The following PDZD2 variants were observed in gnomAD, a reference collection of about 807,000 sequenced individuals.
PDZD2 encodes the protein PDZ domain containing 2.
PDZD2 carries 90 observed loss-of-function variants against 220.7 expected under a neutral mutation model. That is an observed-to-expected ratio of 0.41 (90% CI 0.34 to 0.49). PDZD2 has a LOEUF of 0.49. Among genes scored for constraint, PDZD2 ranks in the 20% least tolerant of loss-of-function variants. The pLI is 0.28. For synonymous variants in PDZD2, 1,375 were observed against 1,450.5 expected (o/e 0.95, Z 1.18); for missense variants, 3,174 against 3,608.5 (o/e 0.88, Z 3.08).
intron 13 of PDZD2, 26 bp downstream of exon 13, chr5:32,059,382 G>C (rs1739463079): frequency 8.7e-7 from 1 of 1,155,132 alleles, no homozygotes; most frequent in Non-Finnish European, 1.3e-6. Flanking sequence ...GATAGTGTAA[G>C]GTTCTGGAGT....
chr5:31,715,554 A>C (rs1376589981), intron 1 of PDZD2, among the ~76,000 whole-genome samples: 1 of 152,278 alleles, frequency 6.6e-6, no homozygotes, highest in Non-Finnish European at 1.5e-5. Flanking sequence ...CATCAAAGGA[A>C]GATAAAATTG....
chr5:31,682,196 G>A (rs4312896), intron 1 of PDZD2, among the ~76,000 whole-genome samples: 42,151 of 152,130 alleles, frequency 0.28, 6,557 homozygotes, highest in East Asian at 0.59. Context: ...CCCACGGGGA[G>A]GGGGAGAGCT....
At chr5:31,800,109 G>A (rs1754307159) in intron 2 of PDZD2, among the ~76,000 whole-genome samples, 1 of 152,072 alleles carries the variant, frequency 6.6e-6, no homozygotes, top group South Asian at 2.1e-4. Context: ...GACTGTCTTG[G>A]TGTTTCCCAG....
chr5:32,027,307 G>GAC (rs1159738737), intron 6 of PDZD2, among the ~76,000 whole-genome samples: 2 of 152,040 alleles, frequency 1.3e-5, no homozygotes, highest in African/African-American at 4.8e-5. Flanking sequence ...ACAAGCTAAT[G>GAC]ACTGATTACA....
intron 2 of PDZD2, among the ~76,000 whole-genome samples, chr5:31,927,585 A>G (rs1581099011): frequency 1.3e-5 from 2 of 152,140 alleles, no homozygotes; most frequent in South Asian, 4.2e-4. Context: ...GGGTTTCACC[A>G]TGTTGGCCAG....
rs531619185 is a variant in PDZD2, at chr5:31,798,061, G to A, written c.-360-828G>A. ...GGGGACTTAATATGTACCAGGCACCGTGCAGAATTCAGAGGGAGTGTGAGG... is the reference window on the plus strand; with the variant it reads ...GGGGACTTAATATGTACCAGGCACCATGCAGAATTCAGAGGGAGTGTGAGG... On this transcript the variant is annotated intron_variant, in intron 1 of 24. Transcript: ENST00000438447. Among the ~76,000 whole-genome samples the A allele has an allele frequency of 4.7e-3, 712 of 152,282 alleles. 3 individuals carry two copies. Among genetic ancestry groups the A allele is most frequent in the Non-Finnish European group, 8.2e-3 (559 of 68,014 alleles).
chr5:31,792,930 C>A (rs1402333235), intron 1 of PDZD2, among the ~76,000 whole-genome samples: 1 of 151,902 alleles, frequency 6.6e-6, no homozygotes, highest in Non-Finnish European at 1.5e-5. Flanking sequence ...CCTCCACCTC[C>A]CCGGTTCAAG....
chr5:31,983,473 G>A lies in PDZD2; in HGVS notation c.795G>A (p.Gln265=). The A allele has an allele frequency of 6.2e-7, 1 of 1,614,186 alleles. No homozygotes were observed. The highest frequency in any genetic ancestry group is 2.2e-5 in the East Asian group (1 of 44,888). Residue 265 remains glutamine, a synonymous_variant, in exon 3 of 25, where the codon CAG becomes CAA. Transcript: ENST00000438447. ...DPELGNGHVF[Q]LENGPDSLKE... is the part of the protein sequence containing the mutation. ...AACTTGGAAACGGCCATGTCTTTCA[G>A]CTAGAAAATGGCCCAGATTCTCTCA...
chr5:31,879,153 C>T (rs1358562293), intron 2 of PDZD2, among the ~76,000 whole-genome samples: 1 of 151,530 alleles, frequency 6.6e-6, no homozygotes, highest in African/African-American at 2.4e-5. Context: ...TTTGGGAGGC[C>T]GAGGCGGGCG....
At chr5:31,771,780 C>T (rs1285535203) in intron 1 of PDZD2, among the ~76,000 whole-genome samples, 1 of 152,160 alleles carries the variant, frequency 6.6e-6, no homozygotes, top group East Asian at 1.9e-4. Flanking sequence ...GGACAGTTGA[C>T]GCAAGAGTGA....
At chr5:31,749,964 G>T (rs1016999397) in intron 1 of PDZD2, among the ~76,000 whole-genome samples, 2 of 152,176 alleles carry the variant, frequency 1.3e-5, no homozygotes, top group African/African-American at 2.4e-5. Context: ...GGGCTTGCAG[G>T]GTCCTCTGTA....
At chr5:32,104,484 CAG>C (rs1444058110) in intron 24 of PDZD2, among the ~76,000 whole-genome samples, 2 of 151,422 alleles carry the variant, frequency 1.3e-5, no homozygotes, top group African/African-American at 4.8e-5. Flanking sequence ...GCCTCCTAAG[CAG>C]CCCAAGGTGG....
At position 32,110,928 on chromosome 5, in the gene PDZD2, C is replaced by G. The variant is rs917039257; in HGVS notation, c.*2793C>G. ...AAAAAAATAAACACTCTGCTTACTA[C>G]TTGATTTTTTTTTTCTCTTTTGGCT... is the stretch of plus-strand genomic sequence containing the variant. On this transcript the variant is annotated 3_prime_UTR_variant, in exon 25 of 25. Coordinates refer to ENST00000438447, the MANE Select transcript of PDZD2 (RefSeq NM_178140.4). The G allele has an allele frequency of 6.6e-6, 1 of 151,810 alleles. No homozygotes were observed. The highest frequency in any genetic ancestry group is 2.1e-4 in the South Asian group (1 of 4,820). The allele number at this position is 151,810 out of a possible 1,614,324, so 9.4% of individuals were successfully genotyped here.
intron 1 of PDZD2, among the ~76,000 whole-genome samples, chr5:31,760,130 TC>T (rs1751543475): frequency 6.6e-6 from 1 of 152,104 alleles, no homozygotes; most frequent in Non-Finnish European, 1.5e-5. Context: ...AGGAGAGTTG[TC>T]CTTAATTAAT....
intron 3 of PDZD2, among the ~76,000 whole-genome samples, chr5:31,989,421 C>CTTTTTTTTTTTTTTTTTTT (rs869045113): frequency 1.7e-5 from 2 of 119,904 alleles, no homozygotes; most frequent in African/African-American, 3.4e-5. Flanking sequence ...ATTTTCTTTT[C>CTTTTTTTTTTTTTTTTTTT]TTTTTTTTTT....
chr5:31,854,638 G>A (rs925880260), intron 2 of PDZD2, among the ~76,000 whole-genome samples: 4 of 152,282 alleles, frequency 2.6e-5, no homozygotes, highest in African/African-American at 9.6e-5. Flanking sequence ...TGGTGCAAAC[G>A]AGGGTCTAGG....
chr5:31,660,034 CA>C (rs540054709), intron 1 of PDZD2, among the ~76,000 whole-genome samples: 4 of 152,288 alleles, frequency 2.6e-5, no homozygotes, highest in African/African-American at 9.6e-5. Context: ...TAAGGTGACC[CA>C]GCTGGGTAGT....
chr5:31,697,799 G>A (rs1001314109), intron 1 of PDZD2, among the ~76,000 whole-genome samples: 23 of 152,128 alleles, frequency 1.5e-4, no homozygotes, highest in Non-Finnish European at 4.4e-5. Context: ...GAGACCTTTG[G>A]GTCTGGTTGG....
chr5:31,810,418 A>G (rs986541656), intron 2 of PDZD2, among the ~76,000 whole-genome samples: 2 of 151,774 alleles, frequency 1.3e-5, no homozygotes, highest in South Asian at 2.1e-4. Flanking sequence ...GCCCACCACC[A>G]CGCCTCACTA....
Sources: gnomAD v4.1 joint callset for allele counts (sites outside exome capture counted in the v4.1 genomes callset) on GRCh38, gnomAD v4.1.1 for gene constraint, MANE v1.5 for transcripts, NCBI Gene and HGNC (gene_info 2026-07-23, HGNC 2026-07-21) for gene names.